The following RAD51B variants were observed in gnomAD, a reference collection of about 807,000 sequenced individuals.
RAD51B encodes the protein DNA repair protein RAD51 homolog 2.
In RAD51B, 38 loss-of-function variants were observed where a neutral mutation model predicts 42.2. The observed-to-expected ratio is 0.90, with a 90% CI of 0.70 to 1.18. RAD51B has a LOEUF of 1.18. RAD51B is among the 50% of genes most tolerant of loss of function. The probability of loss-of-function intolerance (pLI) is 0.00; values close to 1 mark genes in which losing one functional copy is unlikely to be tolerated. For synonymous variants in RAD51B, 154 were observed against 145.2 expected (o/e 1.06, Z -0.43); for missense variants, 373 against 400.7 (o/e 0.93, Z 0.59).
intron 10 of RAD51B, among the ~76,000 whole-genome samples, chr14:68,489,508 T>C (rs549155743): frequency 6.6e-6 from 1 of 152,394 alleles, no homozygotes; most frequent in African/African-American, 2.4e-5. Context: ...ATGAAATCTC[T>C]TGGTTTCCAA....
intron 9 of RAD51B, among the ~76,000 whole-genome samples, chr14:68,459,476 G>T (rs17105664): frequency 0.079 from 11,969 of 152,260 alleles, 1,005 homozygotes; most frequent in African/African-American, 0.21. Flanking sequence ...TCCAGTTGAA[G>T]TGAGATAATA....
At chr14:68,046,651 G>A (rs559997543) in intron 7 of RAD51B, among the ~76,000 whole-genome samples, 2 of 152,258 alleles carry the variant, frequency 1.3e-5, no homozygotes, top group East Asian at 1.9e-4. Flanking sequence ...TGGGAGGATC[G>A]CTCGAGCCCA....
At chr14:68,636,628 T>C (rs953018250) in intron 10 of RAD51B, among the ~76,000 whole-genome samples, 2 of 151,724 alleles carry the variant, frequency 1.3e-5, no homozygotes, top group African/African-American at 4.8e-5. Flanking sequence ...TGGCCATTCA[T>C]GTTCTGGACC....
intron 8 of RAD51B, among the ~76,000 whole-genome samples, chr14:68,353,735 G>A (rs948027624): frequency 2.0e-5 from 3 of 152,208 alleles, no homozygotes; most frequent in Non-Finnish European, 4.4e-5. Context: ...TCTGGCTGTC[G>A]CAGCAGGGGG....
At chr14:68,576,301 A>G (rs1411375162) in intron 10 of RAD51B, among the ~76,000 whole-genome samples, 1 of 152,224 alleles carries the variant, frequency 6.6e-6, no homozygotes, top group African/African-American at 2.4e-5. Flanking sequence ...AGGGAAGAGA[A>G]TGAACATGAA....
intron 10 of RAD51B, among the ~76,000 whole-genome samples, chr14:68,487,507 C>CT (rs1372047712): frequency 6.6e-6 from 1 of 150,690 alleles, no homozygotes; most frequent in Non-Finnish European, 1.5e-5. Flanking sequence ...CAATTCATTA[C>CT]TTTTTTTTCT....
At chr14:68,412,170 A>G (rs1310253277) in intron 9 of RAD51B, among the ~76,000 whole-genome samples, 1 of 152,222 alleles carries the variant, frequency 6.6e-6, no homozygotes, top group Non-Finnish European at 1.5e-5. Context: ...TTCCAAAGAA[A>G]AGGACACCAC....
chr14:68,072,062 T>TA (rs1491502228), intron 7 of RAD51B, among the ~76,000 whole-genome samples: 8 of 109,164 alleles, frequency 7.3e-5, no homozygotes, highest in Middle Eastern at 5.6e-3. Context: ...ATTATATATA[T>TA]TTATATAAAT....
At chr14:68,147,499 A>C (rs2078276879) in intron 7 of RAD51B, among the ~76,000 whole-genome samples, 1 of 152,152 alleles carries the variant, frequency 6.6e-6, no homozygotes, top group Non-Finnish European at 1.5e-5. Flanking sequence ...TTTACTGTTT[A>C]ATCATTCCCT....
chr14:67,959,240 C>T (rs1450177887), intron 7 of RAD51B, among the ~76,000 whole-genome samples: 2 of 151,550 alleles, frequency 1.3e-5, no homozygotes. Context: ...TCCTGATTTC[C>T]TTTGGTCAAT....
intron 8 of RAD51B, among the ~76,000 whole-genome samples, chr14:68,299,032 C>T (rs2081667550): frequency 6.6e-6 from 1 of 151,924 alleles, no homozygotes; most frequent in Admixed American, 6.6e-5. Flanking sequence ...TGATATCTAT[C>T]CCTTCCAAAA....
Position 68,099,790 on chromosome 14 carries a change from C to T in RAD51B, c.757-192094C>T, listed in dbSNP as rs147119118. 1.7e-3 allele frequency among the ~76,000 whole-genome samples: 263 copies of T among 152,246 alleles called. 1 individual carries two copies. The highest frequency in any genetic ancestry group is 6.2e-3 in the African/African-American group (258 of 41,538). On this transcript the variant is annotated intron_variant, in intron 7 of 10. Transcript: ENST00000471583. Reference sequence around the variant, plus strand: ...GGAACTTAATGCTGCGGTTGTTCTGCTTAGATGGAATTGTGTGGGGCTGTG... The same window carrying T: ...GGAACTTAATGCTGCGGTTGTTCTGTTTAGATGGAATTGTGTGGGGCTGTG...
intron 7 of RAD51B, among the ~76,000 whole-genome samples, chr14:68,158,229 A>G (rs1224460001): frequency 6.6e-6 from 1 of 152,246 alleles, no homozygotes; most frequent in Non-Finnish European, 1.5e-5. Context: ...ATATGAAGTT[A>G]TAATGAGTTG....
chr14:68,193,380 G>C (rs990902351), intron 7 of RAD51B, among the ~76,000 whole-genome samples: 7 of 152,072 alleles, frequency 4.6e-5, no homozygotes, highest in Non-Finnish European at 8.8e-5. Flanking sequence ...TTTTGTACAT[G>C]TTTTTTCCCT....
chr14:68,251,500 C>T (rs896131745), intron 7 of RAD51B, among the ~76,000 whole-genome samples: 6 of 152,120 alleles, frequency 3.9e-5, no homozygotes, highest in Non-Finnish European at 7.4e-5. Flanking sequence ...GAGGAGTTGT[C>T]CTTTTGACTC....
intron 8 of RAD51B, among the ~76,000 whole-genome samples, chr14:68,389,338 G>A (rs572119855): frequency 5.9e-5 from 9 of 152,006 alleles, no homozygotes; most frequent in African/African-American, 1.2e-4. Context: ...TACAACCATG[G>A]ATTAGTTTTG....
At chr14:68,555,745 C>G (rs1391601401) in intron 10 of RAD51B, among the ~76,000 whole-genome samples, 1 of 152,194 alleles carries the variant, frequency 6.6e-6, no homozygotes, top group Admixed American at 6.5e-5. Context: ...CAGTGCTGAG[C>G]TGAATAAAAC....
chr14:67,962,151 G>A (rs115062947), intron 7 of RAD51B, among the ~76,000 whole-genome samples: 169 of 152,290 alleles, frequency 1.1e-3, no homozygotes, highest in African/African-American at 3.7e-3. Context: ...GAGTGAAAGC[G>A]TGGAATAATC....
At chr14:68,184,254 G>C (rs1157445275) in intron 7 of RAD51B, among the ~76,000 whole-genome samples, 1 of 151,932 alleles carries the variant, frequency 6.6e-6, no homozygotes, top group Non-Finnish European at 1.5e-5. Flanking sequence ...GTTATTTTTT[G>C]AGACAGGATC....
Sources: gnomAD v4.1 joint callset for allele counts (sites outside exome capture counted in the v4.1 genomes callset) on GRCh38, gnomAD v4.1.1 for gene constraint, MANE v1.5 for transcripts, NCBI Gene and HGNC (gene_info 2026-07-23, HGNC 2026-07-21) for gene names.